The following SUSD4 variants were observed in gnomAD, a reference collection of about 807,000 sequenced individuals.
The protein encoded by SUSD4 is sushi domain-containing protein 4.
Under a neutral mutation model 50.5 loss-of-function variants are expected in SUSD4, and 41 were observed. That is an observed-to-expected ratio of 0.81 (90% CI 0.63 to 1.05). SUSD4 has a LOEUF of 1.05. SUSD4 is among the 50% of genes least tolerant of loss of function. The probability of loss-of-function intolerance (pLI) is 0.00; values close to 1 mark genes in which losing one functional copy is unlikely to be tolerated. For synonymous variants in SUSD4, 257 were observed against 257.3 expected, an observed-to-expected ratio of 1.00 and a Z score of 0.01; for missense variants, 580 against 634.7, an observed-to-expected ratio of 0.91 and a Z score of 0.93.
chr1:223,294,922 T>TCAAC (rs1393512248), intron 2 of SUSD4, among the ~76,000 whole-genome samples: 4 of 152,340 alleles, frequency 2.6e-5, no homozygotes, highest in African/African-American at 7.2e-5. Context: ...ATGATGAATG[T>TCAAC]CAACCATTTC....
rs1662683958 is a variant in SUSD4, at chr1:223,268,559, T to C, written c.478A>G (p.Asn160Asp). Residue 160 changes from asparagine (N) to aspartate (D), a missense_variant, in exon 4 of 9, where the codon AAT becomes GAT. Physicochemically the swap from Asn to Asp is conservative, Grantham distance 23. Coordinates refer to ENST00000366878, the MANE Select transcript of SUSD4 (RefSeq NM_017982.4). Reference protein sequence around the residue: ...GFKIRYPDLHNMVSLCRDDGT... With the variant: ...GFKIRYPDLHDMVSLCRDDGT... ...TCATCGCGACATAATGAAACCATATTGTGTAGGTCGGGGTACCGGATCTTG... is the reference window on the plus strand; with the variant it reads ...TCATCGCGACATAATGAAACCATATCGTGTAGGTCGGGGTACCGGATCTTG... The C allele has an allele frequency of 1.9e-6, 3 of 1,614,160 alleles. No homozygotes were observed. Among genetic ancestry groups the C allele is most frequent in the Non-Finnish European group, 2.5e-6 (3 of 1,180,024 alleles).
chr1:223,361,963 TCTC>T (rs1669005982), intron 2 of SUSD4, among the ~76,000 whole-genome samples: 1 of 152,036 alleles, frequency 6.6e-6, no homozygotes, highest in Admixed American at 6.6e-5. Context: ...CACTTGACCT[TCTC>T]CTCCATGAAG....
chr1:223,224,862 C>CTTTTTT (rs11345619), intron 7 of SUSD4, among the ~76,000 whole-genome samples: 7 of 59,286 alleles, frequency 1.2e-4, no homozygotes, highest in East Asian at 5.7e-4. Flanking sequence ...TGGTTTCTTC[C>CTTTTTT]TTTTTTTTTT....
At chr1:223,233,103 G>T (rs1659999897) in intron 5 of SUSD4, among the ~76,000 whole-genome samples, 1 of 152,182 alleles carries the variant, frequency 6.6e-6, no homozygotes, top group African/African-American at 2.4e-5. Context: ...AACATTCAGA[G>T]AATGTGAACA....
chr1:223,294,799 C>T (rs1664717722), intron 2 of SUSD4, among the ~76,000 whole-genome samples: 6 of 152,170 alleles, frequency 3.9e-5, no homozygotes, highest in Admixed American at 3.9e-4. Context: ...ACTAAATACC[C>T]CAATAATACA....
chr1:223,350,941 T>C (rs4330913), intron 2 of SUSD4, among the ~76,000 whole-genome samples: 1 of 152,226 alleles, frequency 6.6e-6, no homozygotes, highest in Non-Finnish European at 1.5e-5. Context: ...TTGTGGATCC[T>C]AGCTTTAAGG....
intron 2 of SUSD4, among the ~76,000 whole-genome samples, chr1:223,333,183 CCCT>C (rs1177312076): frequency 6.6e-6 from 1 of 152,140 alleles, no homozygotes; most frequent in African/African-American, 2.4e-5. Flanking sequence ...CGGGTGCACA[CCCT>C]CCTTACTGAG....
At chr1:223,292,401 C>T (rs763894429) in intron 3 of SUSD4, 38 bp downstream of exon 3, 1 of 1,612,648 alleles carries the variant, frequency 6.2e-7, no homozygotes, top group Non-Finnish European at 8.5e-7. Context: ...GCAACTTGAA[C>T]CACATGAGTG....
intron 3 of SUSD4, among the ~76,000 whole-genome samples, chr1:223,282,329 T>C (rs1266710161): frequency 1.3e-5 from 2 of 152,186 alleles, no homozygotes; most frequent in African/African-American, 4.8e-5. Context: ...TGATTGTATA[T>C]TTAGAAAACC....
chr1:223,277,307 T>A (rs949709602), intron 3 of SUSD4, among the ~76,000 whole-genome samples: 30 of 49,160 alleles, frequency 6.1e-4, no homozygotes, highest in Admixed American at 2.4e-3. Flanking sequence ...GGATGATATT[T>A]TTTTTTTTTC....
intron 3 of SUSD4, among the ~76,000 whole-genome samples, chr1:223,286,722 G>T (rs578158118): frequency 6.6e-6 from 1 of 152,342 alleles, no homozygotes; most frequent in African/African-American, 2.4e-5. Context: ...TGCCTGCTTG[G>T]TTATGCAGGT....
intron 3 of SUSD4, 81 bp from the exon 4 acceptor site, chr1:223,268,756 T>C: frequency 1.4e-6 from 2 of 1,454,220 alleles, no homozygotes; most frequent in Non-Finnish European, 1.9e-6. Flanking sequence ...AAGCTCTTAT[T>C]TTCAGACTTG....
At chr1:223,273,760 T>C (rs550374182) in intron 3 of SUSD4, among the ~76,000 whole-genome samples, 42 of 152,344 alleles carry the variant, frequency 2.8e-4, no homozygotes, top group South Asian at 1.2e-3. Flanking sequence ...CAACACTTCG[T>C]GTATATTGTC....
chr1:223,289,162 C>T, intron 3 of SUSD4: 1 of 985,404 alleles, frequency 1.0e-6, no homozygotes, highest in South Asian at 4.7e-5. Flanking sequence ...TATTTTCAGT[C>T]CTTTGCCAAT....
chr1:223,354,062 G>A (rs886140680), intron 2 of SUSD4, among the ~76,000 whole-genome samples: 26 of 151,644 alleles, frequency 1.7e-4, no homozygotes, highest in Non-Finnish European at 3.1e-4. Flanking sequence ...GTAGCAAAAA[G>A]AAAAGGTTCT....
intron 3 of SUSD4, among the ~76,000 whole-genome samples, chr1:223,281,486 A>G (rs1261649179): frequency 6.6e-6 from 1 of 152,246 alleles, no homozygotes; most frequent in Non-Finnish European, 1.5e-5. Flanking sequence ...TTGAAAATCT[A>G]GAAGAAATGG....
intron 2 of SUSD4, among the ~76,000 whole-genome samples, chr1:223,315,803 C>T (rs903869250): frequency 6.6e-6 from 1 of 152,148 alleles, no homozygotes; most frequent in Non-Finnish European, 1.5e-5. Flanking sequence ...TCCTCAGCAC[C>T]TGAGCCTGAG....
At chr1:223,329,660 A>C (rs1489826156) in intron 2 of SUSD4, among the ~76,000 whole-genome samples, 1 of 152,232 alleles carries the variant, frequency 6.6e-6, no homozygotes, top group East Asian at 1.9e-4. Flanking sequence ...TAACTTAATG[A>C]ATGGACAGAT....
intron 3 of SUSD4, among the ~76,000 whole-genome samples, chr1:223,272,551 C>T (rs1662989565): frequency 1.3e-5 from 2 of 152,204 alleles, no homozygotes; most frequent in Admixed American, 6.5e-5. Context: ...AGAAAATGTG[C>T]CATACATAGG....
Sources: allele counts gnomAD v4.1 joint callset (sites outside exome capture counted in the v4.1 genomes callset), GRCh38; gene constraint gnomAD v4.1.1; transcripts MANE v1.5; gene names NCBI Gene and HGNC (gene_info 2026-07-23, HGNC 2026-07-21).